Variants in PPFIA1 observed in about 807,000 individuals in gnomAD.
PPFIA1 encodes the protein PPFI scaffold protein A1.
A neutral mutation model predicts 149.9 loss-of-function variants in PPFIA1; 25 were observed. That is an observed-to-expected ratio of 0.17 (90% CI 0.12 to 0.23). The LOEUF (loss-of-function observed/expected upper bound fraction) is 0.23, where lower values mean the gene tolerates loss of function less well. Among genes scored for constraint, PPFIA1 ranks in the 10% least tolerant of loss-of-function variants. PPFIA1 has a pLI of 1.00. For missense variants in PPFIA1, 1,362 were observed against 1,506.5 expected (o/e 0.90, Z 1.59); for synonymous variants, 549 against 552.8 (o/e 0.99, Z 0.10).
chr11:70,326,301 C>A lies in PPFIA1; in HGVS notation c.646C>A (p.Leu216Ile). The change falls in exon 6 of 28, where the codon CTA (leucine) becomes ATA (isoleucine). Residue 216 changes from leucine (L) to isoleucine (I), a missense_variant. Leu to Ile is a conservative substitution (Grantham distance 5). Transcript: ENST00000253925. ...LKEQNNQKKTLTDGVLDINHE... is the reference protein window; with the variant it reads ...LKEQNNQKKTITDGVLDINHE... ...AGAACAGAATAATCAGAAAAAAACTCTAACAGATGGAGTGCTGGACATAAA... is the reference window on the plus strand; with the variant it reads ...AGAACAGAATAATCAGAAAAAAACTATAACAGATGGAGTGCTGGACATAAA... 6.2e-7 allele frequency: 1 copy of A among 1,609,080 alleles called. No individual in the cohort carries two copies. The highest frequency in any genetic ancestry group is 1.7e-4 in the Middle Eastern group (1 of 6,050).
rs143262543 is a variant in PPFIA1, at chr11:70,278,070, C to A, written c.264+5634C>A. ...GAACTACAAGCACGTGCCACCACGC[C>A]CAGCTAATTTTTGTATTTTTAGTAG... On this transcript the variant is annotated intron_variant, in intron 2 of 27. Transcript: ENST00000253925. 3.8e-3 allele frequency among the ~76,000 whole-genome samples: 582 copies of A among 152,078 alleles called. 8 individuals carry two copies. Among genetic ancestry groups the A allele is most frequent in the African/African-American group, 0.013 (549 of 41,496 alleles).
intron 6 of PPFIA1, 64 bp from the exon 7 acceptor site, chr11:70,326,533 A>C (rs1160045351): frequency 7.1e-7 from 1 of 1,407,612 alleles, no homozygotes; most frequent in Non-Finnish European, 9.9e-7. Context: ...TATTTCCTGG[A>C]AGTATTTTTA....
chr11:70,311,155 C>T (rs1311036206), intron 2 of PPFIA1, among the ~76,000 whole-genome samples: 1 of 151,994 alleles, frequency 6.6e-6, no homozygotes, highest in Non-Finnish European at 1.5e-5. Flanking sequence ...ACTAAAAATA[C>T]AAAATTAGCC....
At chr11:70,342,607 C>G (rs919951089) in intron 14 of PPFIA1, among the ~76,000 whole-genome samples, 2 of 151,884 alleles carry the variant, frequency 1.3e-5, no homozygotes, top group Non-Finnish European at 2.9e-5. Flanking sequence ...TAGTGCCAGC[C>G]TCAGGTAGGG....
intron 21 of PPFIA1, among the ~76,000 whole-genome samples, chr11:70,368,990 A>G (rs1021621215): frequency 6.8e-6 from 1 of 147,350 alleles, no homozygotes; most frequent in African/African-American, 2.5e-5. Context: ...GGGTCTCACC[A>G]TGTTGCCCAG....
chr11:70,293,109 A>T (rs1350579308), intron 2 of PPFIA1, among the ~76,000 whole-genome samples: 1 of 152,352 alleles, frequency 6.6e-6, no homozygotes, highest in East Asian at 1.9e-4. Flanking sequence ...GGCACACAGT[A>T]GACACACACA....
chr11:70,379,960 G>A (rs1450637960), intron 26 of PPFIA1, among the ~76,000 whole-genome samples: 3 of 152,202 alleles, frequency 2.0e-5, no homozygotes, highest in Non-Finnish European at 4.4e-5. Context: ...AAGCAGAACT[G>A]TGACTTGGCC....
intron 2 of PPFIA1, among the ~76,000 whole-genome samples, chr11:70,308,872 A>G (rs149955117): frequency 1.1e-4 from 17 of 152,346 alleles, no homozygotes; most frequent in African/African-American, 4.1e-4. Flanking sequence ...GCAGTGAGCT[A>G]TGATTGTGCC....
chr11:70,317,312 C>T (rs1187274344), intron 2 of PPFIA1, among the ~76,000 whole-genome samples: 1 of 152,000 alleles, frequency 6.6e-6, no homozygotes, highest in African/African-American at 2.4e-5. Flanking sequence ...CTTTTGGGAT[C>T]TTAAACTTTG....
At position 70,348,399 on chromosome 11, in the gene PPFIA1, C is replaced by A; in HGVS notation, c.2142C>A (p.Asp714Glu). 6.2e-7 allele frequency: 1 copy of A among 1,612,084 alleles called. No individual in the cohort carries two copies. Among genetic ancestry groups the A allele is most frequent in the Non-Finnish European group, 8.5e-7 (1 of 1,178,136 alleles). The change falls in exon 16 of 28, where the codon GAC (aspartate) becomes GAA (glutamate). Residue 714 changes from aspartate (D) to glutamate (E), a missense_variant. Physicochemically the swap from Asp to Glu is conservative, Grantham distance 45 (BLOSUM62 2). Transcript: ENST00000253925. Reference protein sequence around the residue: ...RIPHSPAREVDRLGVMTLLPP... With the variant: ...RIPHSPAREVERLGVMTLLPP... ...CTCACAGCCCAGCTCGGGAAGTGGACAGACTGGGCGTCATGACCCTTGTAC... is the reference window on the plus strand; with the variant it reads ...CTCACAGCCCAGCTCGGGAAGTGGAAAGACTGGGCGTCATGACCCTTGTAC...
At chr11:70,296,354 G>A (rs1191945394) in intron 2 of PPFIA1, among the ~76,000 whole-genome samples, 1 of 152,152 alleles carries the variant, frequency 6.6e-6, no homozygotes, top group Non-Finnish European at 1.5e-5. Flanking sequence ...AGGTTGTAGC[G>A]AGCCGAGATC....
At chr11:70,278,300 T>C (rs1219591089) in intron 2 of PPFIA1, among the ~76,000 whole-genome samples, 4 of 152,110 alleles carry the variant, frequency 2.6e-5, no homozygotes, top group African/African-American at 9.7e-5. Flanking sequence ...CCTCCCAAAC[T>C]GCTGGGATTA....
chr11:70,358,980 T>G (rs2056499138), intron 19 of PPFIA1, among the ~76,000 whole-genome samples: 1 of 152,222 alleles, frequency 6.6e-6, no homozygotes, highest in Non-Finnish European at 1.5e-5. Flanking sequence ...CTTTTTGTCT[T>G]CGTAGTGCTT....
Position 70,356,247 on chromosome 11 carries a change from C to A in PPFIA1, c.2575C>A (p.Gln859Lys). ...ACAGGCTGAAAAAAATCGTAAACTT[C>A]AAAAAAAGTAAGCTTTGTGTTATTT... ...GGQAEKNRKL[Q>K]KKHELLEEAR... is the part of the protein sequence containing the mutation. The change falls in exon 19 of 28, where the codon CAA (glutamine) becomes AAA (lysine). Residue 859 changes from glutamine to lysine, a missense_variant. Gln to Lys is a moderately conservative substitution (Grantham distance 53). This residue lies in a region of PPFIA1 where 91 missense variants were observed against 91.2 expected (regional missense o/e 1.00). Transcript: ENST00000253925. 6.2e-7 allele frequency: 1 copy of A among 1,610,086 alleles called. No individual in the cohort carries two copies. Among genetic ancestry groups the A allele is most frequent in the Non-Finnish European group, 8.5e-7 (1 of 1,178,266 alleles).
chr11:70,278,223 T>A (rs1211791584), intron 2 of PPFIA1, among the ~76,000 whole-genome samples: 1 of 151,786 alleles, frequency 6.6e-6, no homozygotes, highest in South Asian at 2.1e-4. Flanking sequence ...TTTTTTTAAA[T>A]GTGATGTTTC....
At chr11:70,348,073 A>T (rs2055825001) in intron 15 of PPFIA1, 116 bp from the exon 16 acceptor site, 8 of 745,678 alleles carry the variant, frequency 1.1e-5, no homozygotes, top group Admixed American at 2.6e-5. Context: ...TTGTTTGAGC[A>T]GCTTATTACT....
intron 21 of PPFIA1, chr11:70,367,588 G>GT (rs1209673570): frequency 2.9e-5 from 13 of 455,510 alleles, no homozygotes; most frequent in Middle Eastern, 3.8e-4. Context: ...CACCTGGTAT[G>GT]TTTTTTTTCC....
In PPFIA1 at chr11:70,301,685, A is replaced by G. The variant is rs551873018; in HGVS notation, c.265-22717A>G. Among the ~76,000 whole-genome samples, 3 of 152,324 alleles carry G rather than the reference A, an allele frequency of 2.0e-5. No homozygotes were observed. In the South Asian group the frequency reaches 6.2e-4, roughly 32 times the overall value. ...TAGGGGTACTTGTTCTTAAGCTTATATGTCTATTTAGTAAGCTTAATAGAA... is the reference window on the plus strand; with the variant it reads ...TAGGGGTACTTGTTCTTAAGCTTATGTGTCTATTTAGTAAGCTTAATAGAA... On this transcript the variant is annotated intron_variant, in intron 2 of 27. Transcript: ENST00000253925.
chr11:70,369,268 A>G (rs571153575), intron 21 of PPFIA1, among the ~76,000 whole-genome samples: 2 of 152,178 alleles, frequency 1.3e-5, no homozygotes, highest in African/African-American at 4.8e-5. Context: ...CAATCTCTTC[A>G]TATGGTGAGT....
Sources: allele counts gnomAD v4.1 joint callset (sites outside exome capture counted in the v4.1 genomes callset), GRCh38; gene constraint gnomAD v4.1.1; regional missense constraint gnomAD v4.1.1; transcripts MANE v1.5; gene names NCBI Gene and HGNC (gene_info 2026-07-23, HGNC 2026-07-21).